Variants in RBFOX1 observed in about 807,000 individuals in gnomAD.
The protein encoded by RBFOX1 is RNA binding protein fox-1 homolog 1.
In RBFOX1, 8 loss-of-function variants were observed where a neutral mutation model predicts 57.7. The observed-to-expected ratio is 0.14, with a 90% CI of 0.08 to 0.25. The LOEUF (loss-of-function observed/expected upper bound fraction) is 0.25, where lower values mean the gene tolerates loss of function less well. Ranked by LOEUF, RBFOX1 falls within the 10% of genes least tolerant of loss-of-function variation. The pLI, the probability that RBFOX1 is intolerant of heterozygous loss-of-function variation, is 1.00. For missense variants in RBFOX1, 611 were observed against 548.5 expected, an observed-to-expected ratio of 1.11 and a Z score of -1.14; for synonymous variants, 326 against 222.4, an observed-to-expected ratio of 1.47 and a Z score of -4.15.
chr16:7,463,045 A>G (rs1426088796), intron 4 of RBFOX1, among the ~76,000 whole-genome samples: 4 of 152,190 alleles, frequency 2.6e-5, no homozygotes, highest in African/African-American at 9.6e-5. Flanking sequence ...TTGGCTTATC[A>G]ACAACAGAAA....
intron 3 of RBFOX1, among the ~76,000 whole-genome samples, chr16:6,904,663 C>T (rs1345474607): frequency 1.4e-5 from 2 of 148,094 alleles, no homozygotes; most frequent in African/African-American, 2.5e-5. Flanking sequence ...ACATCTTGTA[C>T]CTGAGGACTG....
intron 1 of RBFOX1, among the ~76,000 whole-genome samples, chr16:6,298,402 T>G (rs2078392241): frequency 6.6e-6 from 1 of 152,222 alleles, no homozygotes; most frequent in African/African-American, 2.4e-5. Flanking sequence ...CCCATTGTTA[T>G]GCACTTCATG....
chr16:7,137,167 A>G (rs2072257984), intron 4 of RBFOX1, among the ~76,000 whole-genome samples: 1 of 152,254 alleles, frequency 6.6e-6, no homozygotes, highest in Non-Finnish European at 1.5e-5. Context: ...ATCTGAGTCC[A>G]GCTGCAAAGT....
At chr16:6,695,510 G>A (rs1172669116) in intron 3 of RBFOX1, among the ~76,000 whole-genome samples, 3 of 150,650 alleles carry the variant, frequency 2.0e-5, no homozygotes, top group African/African-American at 4.9e-5. Context: ...GATTAAACAA[G>A]TTTCTTTAAG....
chr16:5,752,027 T>C (rs946086256), intron 3 of RBFOX1, among the ~76,000 whole-genome samples: 4 of 152,198 alleles, frequency 2.6e-5, no homozygotes, highest in African/African-American at 4.8e-5. Flanking sequence ...TAAATCTAAA[T>C]TCCCATAATG....
intron 4 of RBFOX1, among the ~76,000 whole-genome samples, chr16:7,465,419 G>C (rs1382823645): frequency 1.3e-5 from 2 of 152,240 alleles, no homozygotes. Context: ...GTACATGTAA[G>C]TGAAATAGGT....
intron 3 of RBFOX1, among the ~76,000 whole-genome samples, chr16:6,727,571 T>G (rs1474051609): frequency 6.6e-6 from 1 of 152,094 alleles, no homozygotes; most frequent in Non-Finnish European, 1.5e-5. Flanking sequence ...AAACAGCTCT[T>G]GGGGCCTATG....
At chr16:6,345,629 C>G (rs2085262730) in intron 2 of RBFOX1, among the ~76,000 whole-genome samples, 1 of 152,160 alleles carries the variant, frequency 6.6e-6, no homozygotes, top group South Asian at 2.1e-4. Flanking sequence ...CAGACATAAT[C>G]CTAGGTGTGA....
In RBFOX1 at chr16:7,593,253, G is replaced by T. The variant is rs959715464; in HGVS notation, c.469-2296G>T. Reference sequence around the variant, plus strand: ...TCTAATCCAGTGGATACAAAGCAAGGCTCAGGAATCTTAATGTTTAATGTC... The same window carrying T: ...TCTAATCCAGTGGATACAAAGCAAGTCTCAGGAATCTTAATGTTTAATGTC... On this transcript the variant is annotated intron_variant, in intron 7 of 15. Transcript: ENST00000550418. Among the ~76,000 whole-genome samples the T allele has an allele frequency of 3.9e-5, 6 of 152,122 alleles. No individual in the cohort carries two copies. In the South Asian group the frequency reaches 6.2e-4, roughly 16 times the overall value.
chr16:6,293,801 C>G (rs557034132), intron 1 of RBFOX1, among the ~76,000 whole-genome samples: 3 of 109,176 alleles, frequency 2.7e-5, no homozygotes, highest in Admixed American at 2.6e-4. Flanking sequence ...GGATTCCAGT[C>G]CAAGGAAGTG....
At chr16:6,697,843 G>A (rs1181026697) in intron 3 of RBFOX1, among the ~76,000 whole-genome samples, 2 of 152,090 alleles carry the variant, frequency 1.3e-5, no homozygotes, top group African/African-American at 4.8e-5. Flanking sequence ...CCTTCTCCAG[G>A]GACACCAGAT....
chr16:7,257,062 T>A (rs1371742901), intron 4 of RBFOX1, among the ~76,000 whole-genome samples: 1 of 152,150 alleles, frequency 6.6e-6, no homozygotes, highest in South Asian at 2.1e-4. Flanking sequence ...TAATTTCATT[T>A]CCCGTGTGTG....
At chr16:6,943,969 G>A (rs1430183748) in intron 3 of RBFOX1, among the ~76,000 whole-genome samples, 1 of 152,110 alleles carries the variant, frequency 6.6e-6, no homozygotes, top group East Asian at 1.9e-4. Context: ...GATTCTGGGG[G>A]CTGCCCAACT....
chr16:6,566,444 CTTCTT>C (rs753844530), intron 2 of RBFOX1, among the ~76,000 whole-genome samples: 13 of 151,482 alleles, frequency 8.6e-5, no homozygotes, highest in Middle Eastern at 6.8e-3. Flanking sequence ...TTTTTCTTCT[CTTCTT>C]AGTGAGCCTA....
chr16:6,210,361 C>CCAA (rs753962623), intron 1 of RBFOX1, among the ~76,000 whole-genome samples: 2 of 61,454 alleles, frequency 3.3e-5, no homozygotes, highest in Non-Finnish European at 7.0e-5. Context: ...AAAAAAACAC[C>CCAA]AAAAAAAAAA....
At chr16:6,935,605 T>C (rs959610956) in intron 3 of RBFOX1, among the ~76,000 whole-genome samples, 1 of 152,220 alleles carries the variant, frequency 6.6e-6, no homozygotes, top group Admixed American at 6.5e-5. Context: ...ATCCCCATTG[T>C]GCATGTACAC....
chr16:5,485,597 A>G (rs1466745438), intron 2 of RBFOX1, among the ~76,000 whole-genome samples: 1 of 152,210 alleles, frequency 6.6e-6, no homozygotes, highest in Non-Finnish European at 1.5e-5. Context: ...TATACCTCAA[A>G]GAGAATTCAC....
intron 4 of RBFOX1, among the ~76,000 whole-genome samples, chr16:7,437,931 A>T (rs1230693899): frequency 6.6e-6 from 1 of 151,664 alleles, no homozygotes; most frequent in Admixed American, 6.6e-5. Flanking sequence ...GCACACCGCG[A>T]TCATCAATTT....
intron 2 of RBFOX1, among the ~76,000 whole-genome samples, chr16:5,554,760 G>A (rs891885256): frequency 6.6e-6 from 1 of 152,166 alleles, no homozygotes; most frequent in South Asian, 2.1e-4. Context: ...AGAGAAGCAA[G>A]GAATGAATGC....
Sources: gnomAD v4.1 joint callset for allele counts (sites outside exome capture counted in the v4.1 genomes callset) on GRCh38, gnomAD v4.1.1 for gene constraint, MANE v1.5 for transcripts, NCBI Gene and HGNC (gene_info 2026-07-23, HGNC 2026-07-21) for gene names.